EFNA5: variants seen among roughly 807,000 people sequenced by gnomAD.
EFNA5 encodes ephrin A5, also known as ephrin-A5.
EFNA5 carries 5 observed loss-of-function variants against 22.9 expected under a neutral mutation model. That is an observed-to-expected ratio of 0.22 (90% CI 0.11 to 0.46). EFNA5 has a LOEUF of 0.46. EFNA5 is among the 20% of genes least tolerant of loss of function. The pLI is 0.99. For missense variants in EFNA5, 237 were observed against 293.3 expected (o/e 0.81, Z 1.40); for synonymous variants, 113 against 112.2 (o/e 1.01, Z -0.04).
At chr5:107,435,692 T>C (rs2112430162) in intron 1 of EFNA5, among the ~76,000 whole-genome samples, 1 of 152,338 alleles carries the variant, frequency 6.6e-6, no homozygotes, top group South Asian at 2.1e-4. Flanking sequence ...GGTTCACAAG[T>C]TAAAAAAGTA....
chr5:107,386,371 C>T (rs796842676), intron 4 of EFNA5, among the ~76,000 whole-genome samples: 40 of 152,056 alleles, frequency 2.6e-4, no homozygotes, highest in South Asian at 1.5e-3. Flanking sequence ...TGGTAGAGGG[C>T]GACCACTCCT....
intron 1 of EFNA5, among the ~76,000 whole-genome samples, chr5:107,623,198 T>C (rs573920028): frequency 2.6e-5 from 4 of 152,128 alleles, no homozygotes; most frequent in Non-Finnish European, 5.9e-5. Context: ...TAATGAGCAG[T>C]GAGATGGTGG....
chr5:107,562,366 C>T (rs1748567437), intron 1 of EFNA5, among the ~76,000 whole-genome samples: 2 of 152,018 alleles, frequency 1.3e-5, no homozygotes. Context: ...CCATCTCTCT[C>T]TCTCTCACAT....
rs1748180518 is a variant in EFNA5, at chr5:107,405,371, C to T, written c.419-17600G>A. On this transcript the variant is annotated intron_variant, in intron 2 of 4. Coordinates refer to ENST00000333274, the MANE Select transcript of EFNA5 (RefSeq NM_001962.3). ...GCTCTGTCTCAGGAAGGGACCTCCC[C>T]ATTTACATACAGACATTCCAGGGCC... Among the ~76,000 whole-genome samples the T allele has an allele frequency of 2.0e-5, 3 of 152,194 alleles. 1 individual carries two copies. Among genetic ancestry groups the T allele is most frequent in the Non-Finnish European group, 2.9e-5 (2 of 68,040 alleles).
At chr5:107,485,221 C>T (rs1746574691) in intron 1 of EFNA5, among the ~76,000 whole-genome samples, 1 of 152,156 alleles carries the variant, frequency 6.6e-6, no homozygotes. Flanking sequence ...TCTAGCCAGA[C>T]TTCAACTTGT....
At chr5:107,486,472 G>A (rs754618793) in intron 1 of EFNA5, among the ~76,000 whole-genome samples, 6 of 152,140 alleles carry the variant, frequency 3.9e-5, no homozygotes, top group African/African-American at 7.2e-5. Context: ...AGAGTGGTTC[G>A]GGTAACTTAT....
intron 1 of EFNA5, among the ~76,000 whole-genome samples, chr5:107,612,769 C>A (rs1024144673): frequency 3.3e-5 from 5 of 152,046 alleles, no homozygotes; most frequent in African/African-American, 1.2e-4. Context: ...ACAGGGAAAG[C>A]CTACTTAATG....
At chr5:107,452,551 C>A (rs952811196) in intron 1 of EFNA5, among the ~76,000 whole-genome samples, 10 of 151,794 alleles carry the variant, frequency 6.6e-5, no homozygotes, top group Non-Finnish European at 1.5e-4. Context: ...CAGTGAAACC[C>A]CATCTCAAAA....
intron 1 of EFNA5, among the ~76,000 whole-genome samples, chr5:107,507,172 A>G (rs947610681): frequency 3.3e-5 from 5 of 152,214 alleles, no homozygotes; most frequent in African/African-American, 9.6e-5. Flanking sequence ...GAGAAAGGAC[A>G]TTAGAAGTAA....
chr5:107,635,624 C>T (rs935553395), intron 1 of EFNA5, among the ~76,000 whole-genome samples: 1 of 152,184 alleles, frequency 6.6e-6, no homozygotes, highest in Admixed American at 6.5e-5. Flanking sequence ...CCTTTTAAGG[C>T]AAGCATTTTG....
chr5:107,391,247 T>C (rs1309094487), intron 2 of EFNA5, among the ~76,000 whole-genome samples: 1 of 152,190 alleles, frequency 6.6e-6, no homozygotes, highest in Non-Finnish European at 1.5e-5. Flanking sequence ...TTTCAAACTG[T>C]CCCTGCCCTT....
At chr5:107,547,542 T>C (rs1367903693) in intron 1 of EFNA5, among the ~76,000 whole-genome samples, 1 of 149,548 alleles carries the variant, frequency 6.7e-6, no homozygotes, top group Admixed American at 6.6e-5. Flanking sequence ...AAAAAAAAAA[T>C]ACAAGCCTAC....
intron 1 of EFNA5, among the ~76,000 whole-genome samples, chr5:107,561,357 T>C (rs1378211801): frequency 6.6e-6 from 1 of 151,816 alleles, no homozygotes; most frequent in African/African-American, 2.4e-5. Flanking sequence ...AGTCATTAAA[T>C]ACCAGGAAAA....
At chr5:107,541,436 T>G (rs1748046765) in intron 1 of EFNA5, among the ~76,000 whole-genome samples, 1 of 152,214 alleles carries the variant, frequency 6.6e-6, no homozygotes, top group African/African-American at 2.4e-5. Context: ...GAAGCCTAAC[T>G]CTAGCAATAG....
At chr5:107,525,779 G>A (rs889767562) in intron 1 of EFNA5, among the ~76,000 whole-genome samples, 2 of 152,020 alleles carry the variant, frequency 1.3e-5, no homozygotes, top group Non-Finnish European at 2.9e-5. Flanking sequence ...AGGTGGAAGA[G>A]GCTGAAGGGG....
At chr5:107,428,530 C>T (rs542602085) in intron 1 of EFNA5, among the ~76,000 whole-genome samples, 1 of 152,342 alleles carries the variant, frequency 6.6e-6, no homozygotes, top group Non-Finnish European at 1.5e-5. Context: ...TTTCCCAAGA[C>T]ACAACGATGT....
chr5:107,423,209 G>A (rs1009539993), intron 2 of EFNA5, among the ~76,000 whole-genome samples: 6 of 152,060 alleles, frequency 3.9e-5, no homozygotes, highest in Admixed American at 6.5e-5. Context: ...AAGGACCTGG[G>A]ACTCAGTTTT....
intron 1 of EFNA5, among the ~76,000 whole-genome samples, chr5:107,515,179 C>T (rs937537952): frequency 1.3e-5 from 2 of 150,742 alleles, no homozygotes; most frequent in African/African-American, 4.9e-5. Context: ...GGATTACAGG[C>T]GACTGAGCCA....
chr5:107,482,235 G>A (rs1750488027), intron 1 of EFNA5, among the ~76,000 whole-genome samples: 1 of 151,226 alleles, frequency 6.6e-6, no homozygotes, highest in South Asian at 2.1e-4. Flanking sequence ...AAGCCTGGGA[G>A]ACAGAGGTTG....
Sources: gnomAD v4.1 joint callset for allele counts (sites outside exome capture counted in the v4.1 genomes callset) on GRCh38, gnomAD v4.1.1 for gene constraint, MANE v1.5 for transcripts, NCBI Gene and HGNC (gene_info 2026-07-23, HGNC 2026-07-21) for gene names.